CSMD1: variants seen among roughly 807,000 people sequenced by gnomAD.
The protein encoded by CSMD1 is CUB and sushi domain-containing protein 1.
A neutral mutation model predicts 417.5 loss-of-function variants in CSMD1; 213 were observed. That is an observed-to-expected ratio of 0.51 (90% CI 0.46 to 0.57). The LOEUF is 0.57. Ranked by LOEUF, CSMD1 falls within the 20% of genes least tolerant of loss-of-function variation. The probability of loss-of-function intolerance (pLI) is 0.00; values close to 1 mark genes in which losing one functional copy is unlikely to be tolerated. For synonymous variants in CSMD1, 2,862 were observed against 1,736.8 expected (o/e 1.65, Z -16.11); for missense variants, 6,923 against 4,529.7 (o/e 1.53, Z -15.17).
intron 3 of CSMD1, among the ~76,000 whole-genome samples, chr8:4,313,042 G>C (rs912567330): frequency 6.6e-6 from 1 of 152,118 alleles, no homozygotes; most frequent in Non-Finnish European, 1.5e-5. Context: ...AATTTCTATA[G>C]AATAAACTAC....
chr8:3,245,625 A>G (rs4875412), intron 26 of CSMD1, among the ~76,000 whole-genome samples: 2 of 152,046 alleles, frequency 1.3e-5, no homozygotes, highest in African/African-American at 4.8e-5. Context: ...AGGAGCCTAA[A>G]TCTTCCGCAG....
chr8:3,359,345 G>C lies in CSMD1; in HGVS notation c.3116-5C>G. 2 of 1,611,836 alleles carry C rather than the reference G, an allele frequency of 1.2e-6. No individual in the cohort carries two copies. The highest frequency in any genetic ancestry group is 2.7e-5 in the African/African-American group (2 of 74,652). Reference sequence around the variant, plus strand: ...CACATGGCTCCAGGTCATATTCTGAGGCATGCAGAGACAGAGTAAATGCAT... The same window carrying C: ...CACATGGCTCCAGGTCATATTCTGACGCATGCAGAGACAGAGTAAATGCAT... On this transcript the variant is annotated splice_region_variant and splice_polypyrimidine_tract_variant and intron_variant, in intron 20 of 69. Transcript: ENST00000635120.
At chr8:4,654,322 T>C (rs531771473) in intron 1 of CSMD1, among the ~76,000 whole-genome samples, 28 of 152,104 alleles carry the variant, frequency 1.8e-4, no homozygotes, top group African/African-American at 6.0e-4. Flanking sequence ...CAGGGATGTA[T>C]TGCTTTCTAT....
chr8:3,489,696 TA>T (rs368221793), intron 11 of CSMD1, among the ~76,000 whole-genome samples: 61 of 152,306 alleles, frequency 4.0e-4, no homozygotes, highest in African/African-American at 1.4e-3. Context: ...TATTGTGCCA[TA>T]AAAATTAACA....
At chr8:3,907,793 C>T (rs576046817) in intron 5 of CSMD1, among the ~76,000 whole-genome samples, 2 of 152,300 alleles carry the variant, frequency 1.3e-5, no homozygotes, top group South Asian at 4.1e-4. Context: ...ACCCGCTGCT[C>T]GTATCAAACA....
rs557006694 is a variant in CSMD1 at position 4,045,831 on chromosome 8, C to T, written c.416-13732G>A. Among the ~76,000 whole-genome samples the T allele has an allele frequency of 8.3e-4, 126 of 152,178 alleles. 2 individuals are homozygous for T. Among genetic ancestry groups the T allele is most frequent in the African/African-American group, 3.0e-3 (124 of 41,536 alleles). On this transcript the variant is annotated intron_variant, in intron 3 of 69. Coordinates refer to ENST00000635120, the MANE Select transcript of CSMD1 (RefSeq NM_033225.6). ...ATGGCTTCTCAGCATCTTCATCATCCCCTTTTTCTTTCAGACTCTGGCACT... is the reference window on the plus strand; with the variant it reads ...ATGGCTTCTCAGCATCTTCATCATCTCCTTTTTCTTTCAGACTCTGGCACT...
chr8:3,483,831 C>A lies in CSMD1; in HGVS notation c.1448+9792G>T, dbSNP rs144805039. ...TATTCCATTTTATGAAAGGCTGAGT[C>A]AACTTTTAAAAAAATCAATCAATGT... On this transcript the variant is annotated intron_variant, in intron 11 of 69. Coordinates refer to ENST00000635120, the MANE Select transcript of CSMD1 (RefSeq NM_033225.6). 2.6e-5 allele frequency among the ~76,000 whole-genome samples: 4 copies of A among 152,064 alleles called. No homozygotes were observed. The East Asian group carries it at 7.7e-4, about 29-fold the overall frequency.
chr8:4,228,055 C>A (rs1801469057), intron 3 of CSMD1, among the ~76,000 whole-genome samples: 1 of 151,638 alleles, frequency 6.6e-6, no homozygotes, highest in African/African-American at 2.4e-5. Context: ...GGAAGCACGC[C>A]CTCTAACTTG....
chr8:4,834,448 C>A (rs1170002491), intron 1 of CSMD1, among the ~76,000 whole-genome samples: 1 of 152,148 alleles, frequency 6.6e-6, no homozygotes, highest in Non-Finnish European at 1.5e-5. Flanking sequence ...TGAGTGGGCA[C>A]ATGCCCATGT....
At chr8:4,755,384 G>C (rs1357398317) in intron 1 of CSMD1, among the ~76,000 whole-genome samples, 1 of 152,090 alleles carries the variant, frequency 6.6e-6, no homozygotes, top group African/African-American at 2.4e-5. Context: ...TCAAAGTGCT[G>C]CTTTCTCCTG....
intron 3 of CSMD1, among the ~76,000 whole-genome samples, chr8:4,390,852 A>C (rs1461283177): frequency 1.3e-5 from 2 of 152,064 alleles, no homozygotes; most frequent in African/African-American, 4.8e-5. Flanking sequence ...AAAGTATCCA[A>C]TTTTAAGGTG....
At chr8:4,430,517 G>A (rs921858831) in intron 2 of CSMD1, among the ~76,000 whole-genome samples, 2 of 152,074 alleles carry the variant, frequency 1.3e-5, no homozygotes, top group Admixed American at 6.6e-5. Flanking sequence ...TTCCTCCTAA[G>A]AAATTACACT....
At chr8:3,176,782 C>CTTT (rs35353241) in intron 37 of CSMD1, among the ~76,000 whole-genome samples, 2 of 146,236 alleles carry the variant, frequency 1.4e-5, no homozygotes, top group East Asian at 2.0e-4. Flanking sequence ...CTTTTTCTTT[C>CTTT]TTTTTTTTTT....
At chr8:4,652,416 A>G (rs1277419362) in intron 1 of CSMD1, among the ~76,000 whole-genome samples, 1 of 151,802 alleles carries the variant, frequency 6.6e-6, no homozygotes, top group African/African-American at 2.4e-5. Flanking sequence ...CTTTGGGAGG[A>G]AGTGGGAATT....
intron 7 of CSMD1, among the ~76,000 whole-genome samples, chr8:3,701,719 C>G (rs1800881811): frequency 6.6e-6 from 1 of 152,060 alleles, no homozygotes; most frequent in African/African-American, 2.4e-5. Context: ...AAAGACAATC[C>G]AAACACTCTA....
chr8:3,645,823 G>A (rs918800530), intron 7 of CSMD1, among the ~76,000 whole-genome samples: 3 of 152,128 alleles, frequency 2.0e-5, no homozygotes, highest in East Asian at 3.9e-4. Context: ...AATGACACTG[G>A]GCTACAAGAA....
chr8:3,419,441 G>T (rs556875995), intron 12 of CSMD1, among the ~76,000 whole-genome samples: 1 of 152,260 alleles, frequency 6.6e-6, no homozygotes, highest in Non-Finnish European at 1.5e-5. Flanking sequence ...TGTTTTTCAA[G>T]TAATAAAAAT....
intron 1 of CSMD1, among the ~76,000 whole-genome samples, chr8:4,857,478 G>C (rs1276981861): frequency 6.6e-6 from 1 of 152,120 alleles, no homozygotes. Flanking sequence ...GAATCCAGGA[G>C]CTCGTTTTTT....
chr8:3,115,017 A>G (rs1215325174), intron 42 of CSMD1, among the ~76,000 whole-genome samples: 1 of 152,226 alleles, frequency 6.6e-6, no homozygotes, highest in Non-Finnish European at 1.5e-5. Flanking sequence ...GATTTATTTA[A>G]TGCCTAAAAT....
Sources: gnomAD v4.1 joint callset for allele counts (sites outside exome capture counted in the v4.1 genomes callset) on GRCh38, gnomAD v4.1.1 for gene constraint, MANE v1.5 for transcripts, NCBI Gene and HGNC (gene_info 2026-07-23, HGNC 2026-07-21) for gene names.